Variants in OR2L13 observed in about 807,000 individuals in gnomAD.
OR2L13 encodes the protein olfactory receptor family 2 subfamily L member 13.
In OR2L13, 14 loss-of-function variants were observed where a neutral mutation model predicts 15.3. That is an observed-to-expected ratio of 0.91 (90% CI 0.60 to 1.43). The LOEUF is 1.43. Ranked by LOEUF, OR2L13 falls within the 40% of genes most tolerant of loss-of-function variation. The probability of loss-of-function intolerance (pLI) is 0.00; values close to 1 mark genes in which losing one functional copy is unlikely to be tolerated. For synonymous variants in OR2L13, 152 were observed against 142.9 expected (o/e 1.06, Z -0.45); for missense variants, 367 against 387.9 (o/e 0.95, Z 0.45).
chr1:247,972,431 A>T, the OR2L13 span, among the ~76,000 whole-genome samples: 1 of 152,178 alleles, frequency 6.6e-6, no homozygotes, highest in Non-Finnish European at 1.5e-5. Flanking sequence ...GATAAAGGGG[A>T]TATCACCACT....
At chr1:247,968,929 C>T in the OR2L13 span, among the ~76,000 whole-genome samples, 5 of 152,120 alleles carry the variant, frequency 3.3e-5, no homozygotes, top group African/African-American at 4.8e-5. Context: ...CACTGTCTTC[C>T]GCAATGGTTG....
At chr1:248,009,258 A>G in the OR2L13 span, among the ~76,000 whole-genome samples, 4 of 152,156 alleles carry the variant, frequency 2.6e-5, no homozygotes, top group Non-Finnish European at 5.9e-5. Flanking sequence ...TGAAAAGGTT[A>G]ACAAAATAGA....
chr1:247,969,796 C>G, the OR2L13 span, among the ~76,000 whole-genome samples: 1 of 151,686 alleles, frequency 6.6e-6, no homozygotes. Flanking sequence ...GTACCAGCAG[C>G]AAAAGCACCG....
the OR2L13 span, among the ~76,000 whole-genome samples, chr1:247,948,171 C>G: frequency 6.6e-6 from 1 of 151,996 alleles, no homozygotes; most frequent in East Asian, 1.9e-4. Context: ...TATGATCTTG[C>G]CACTGCACTC....
chr1:247,949,075 T>A, the OR2L13 span: 12 of 1,613,832 alleles, frequency 7.4e-6, no homozygotes, highest in Non-Finnish European at 1.0e-5. Flanking sequence ...CTAAATTACA[T>A]CTCCACCATT....
chr1:248,063,686 A>G, the OR2L13 span, among the ~76,000 whole-genome samples: 1 of 152,164 alleles, frequency 6.6e-6, no homozygotes, highest in African/African-American at 2.4e-5. Context: ...TTTGTACCCA[A>G]CTGCCACCTG....
the OR2L13 span, chr1:248,004,027 C>G: frequency 3.7e-5 from 60 of 1,612,782 alleles, 2 homozygotes; most frequent in Non-Finnish European, 1.0e-5. Context: ...TGATGGGGGC[C>G]CTGACACGAG....
the OR2L13 span, among the ~76,000 whole-genome samples, chr1:248,000,327 T>A: frequency 6.6e-6 from 1 of 152,244 alleles, no homozygotes; most frequent in South Asian, 2.1e-4. Context: ...GGTTCCCAAC[T>A]CTGTCACTAG....
the OR2L13 span, among the ~76,000 whole-genome samples, chr1:247,966,942 A>T: frequency 1.3e-5 from 2 of 152,280 alleles, no homozygotes; most frequent in East Asian, 3.9e-4. Context: ...GACAGGTGGC[A>T]GTAGAAAAGA....
the OR2L13 span, among the ~76,000 whole-genome samples, chr1:247,954,415 C>T: frequency 6.6e-6 from 1 of 152,240 alleles, no homozygotes; most frequent in South Asian, 2.1e-4. Flanking sequence ...TTAATCTCTG[C>T]TATTTTGTCT....
chr1:248,028,427 T>C, the OR2L13 span, among the ~76,000 whole-genome samples: 1 of 152,244 alleles, frequency 6.6e-6, no homozygotes, highest in Admixed American at 6.5e-5. Context: ...GGTTATCACC[T>C]GAATTTTGTC....
chr1:248,010,194 G>A, the OR2L13 span, among the ~76,000 whole-genome samples: 62 of 152,200 alleles, frequency 4.1e-4, no homozygotes, highest in African/African-American at 1.5e-3. Context: ...AGAAATAAAG[G>A]GTATTCAAAT....
the OR2L13 span, among the ~76,000 whole-genome samples, chr1:247,943,203 A>C: frequency 2.6e-5 from 4 of 152,150 alleles, no homozygotes; most frequent in African/African-American, 9.6e-5. Context: ...ACAGAGTAAC[A>C]AATAAGTGGG....
At chr1:247,960,746 C>T in the OR2L13 span, among the ~76,000 whole-genome samples, 7 of 152,310 alleles carry the variant, frequency 4.6e-5, no homozygotes, top group South Asian at 6.2e-4. Context: ...GAGCTAGGCG[C>T]GGGATTAATC....
At chr1:248,021,533 A>ATG in the OR2L13 span, among the ~76,000 whole-genome samples, 1 of 152,200 alleles carries the variant, frequency 6.6e-6, no homozygotes, top group Admixed American at 6.5e-5. Context: ...TCATAGCCCA[A>ATG]TGTTGCATCA....
the OR2L13 span, among the ~76,000 whole-genome samples, chr1:248,071,461 T>C: frequency 6.6e-6 from 1 of 152,200 alleles, no homozygotes; most frequent in African/African-American, 2.4e-5. Context: ...AAATTAGGTA[T>C]TGATGGGACA....
chr1:248,081,122 A>G, the OR2L13 span, among the ~76,000 whole-genome samples: 1 of 152,126 alleles, frequency 6.6e-6, no homozygotes, highest in Non-Finnish European at 1.5e-5. Flanking sequence ...CTAACCCACC[A>G]TTTTGAAGAT....
the OR2L13 span, among the ~76,000 whole-genome samples, chr1:247,998,314 G>C: frequency 6.6e-6 from 1 of 152,098 alleles, no homozygotes; most frequent in Non-Finnish European, 1.5e-5. Flanking sequence ...GGGAGGTGAT[G>C]ATCAATGGAA....
the OR2L13 span, among the ~76,000 whole-genome samples, chr1:247,966,581 A>G: frequency 6.6e-6 from 1 of 152,242 alleles, no homozygotes; most frequent in African/African-American, 2.4e-5. Context: ...ACCTCAAGAT[A>G]ATCTATATAA....
Sources: gnomAD v4.1 joint callset for allele counts (sites outside exome capture counted in the v4.1 genomes callset) on GRCh38, gnomAD v4.1.1 for gene constraint, MANE v1.5 for transcripts, NCBI Gene and HGNC (gene_info 2026-07-23, HGNC 2026-07-21) for gene names.